BANK1: variants seen among roughly 807,000 people sequenced by gnomAD.
BANK1 encodes B cell scaffold protein with ankyrin repeats 1.
In BANK1, 95 loss-of-function variants were observed where a neutral mutation model predicts 94.5. The ratio of observed to expected loss-of-function variants is 1.00; its 90% CI spans 0.85 to 1.19. The LOEUF is 1.19. Among genes scored for constraint, BANK1 ranks in the 50% most tolerant of loss-of-function variants. BANK1 has a pLI of 0.00. For synonymous variants in BANK1, 334 were observed against 308.4 expected (o/e 1.08, Z -0.87); for missense variants, 987 against 932.2 (o/e 1.06, Z -0.77).
chr4:101,914,020 C>A (rs1389608835), intron 6 of BANK1, among the ~76,000 whole-genome samples: 1 of 152,136 alleles, frequency 6.6e-6, no homozygotes, highest in Non-Finnish European at 1.5e-5. Context: ...GAATTTCTAT[C>A]AAAAATTTTC....
chr4:101,944,398 G>T lies in BANK1; in HGVS notation c.1206+26209G>T, dbSNP rs936783008. Among the ~76,000 whole-genome samples the T allele has an allele frequency of 3.3e-5, 5 of 151,798 alleles. No individual in the cohort carries two copies. In the East Asian group the frequency reaches 9.8e-4, roughly 30 times the overall value. On this transcript the variant is annotated intron_variant, in intron 7 of 16. Coordinates refer to ENST00000322953, the MANE Select transcript of BANK1 (RefSeq NM_017935.5). ...CCCTTTTCTTAGGTATGGGCCTTAG[G>T]ATGTTCACCCCTGTTTCCTAAAATT...
chr4:101,989,427 G>A (rs2851319), intron 7 of BANK1, among the ~76,000 whole-genome samples: 44,580 of 113,034 alleles, frequency 0.39, 8,473 homozygotes, highest in Middle Eastern at 0.47. Flanking sequence ...GCAAGACTCC[G>A]TCTCAAAAAA....
chr4:101,925,612 GTTATCTT>G (rs760868697), intron 7 of BANK1, among the ~76,000 whole-genome samples: 34 of 151,814 alleles, frequency 2.2e-4, no homozygotes, highest in African/African-American at 2.7e-4. Context: ...TAGGTAATTT[GTTATCTT>G]TTATACATTT....
At chr4:101,959,709 C>T (rs1331487504) in intron 7 of BANK1, among the ~76,000 whole-genome samples, 3 of 152,194 alleles carry the variant, frequency 2.0e-5, no homozygotes, top group Non-Finnish European at 4.4e-5. Flanking sequence ...AGTCAGTCTA[C>T]AGAATAGAAG....
At chr4:101,833,955 A>G (rs1726723609) in intron 2 of BANK1, among the ~76,000 whole-genome samples, 1 of 152,280 alleles carries the variant, frequency 6.6e-6, no homozygotes, top group African/African-American at 2.4e-5. Flanking sequence ...TTATTTTTTT[A>G]AATCACAGTA....
chr4:102,006,003 A>G (rs1370370560), intron 7 of BANK1, among the ~76,000 whole-genome samples: 1 of 152,016 alleles, frequency 6.6e-6, no homozygotes, highest in East Asian at 1.9e-4. Context: ...CTGGAATGCC[A>G]TCAGGTATTG....
chr4:101,880,981 A>T (rs1418518785), intron 5 of BANK1, among the ~76,000 whole-genome samples: 1 of 152,142 alleles, frequency 6.6e-6, no homozygotes. Flanking sequence ...GAAAGAAAAC[A>T]TTGGAACAAC....
At chr4:101,878,416 A>G (rs2148884387) in intron 5 of BANK1, among the ~76,000 whole-genome samples, 1 of 152,350 alleles carries the variant, frequency 6.6e-6, no homozygotes, top group Admixed American at 6.5e-5. Context: ...TGACAATTTT[A>G]AATATATATT....
chr4:101,898,790 C>CT (rs1391536949), intron 6 of BANK1, among the ~76,000 whole-genome samples: 2 of 151,934 alleles, frequency 1.3e-5, no homozygotes, highest in African/African-American at 4.8e-5. Context: ...GTCAATAGGT[C>CT]TTGGTCATTT....
chr4:102,059,240 G>T (rs17031987), intron 11 of BANK1, among the ~76,000 whole-genome samples: 7,048 of 152,220 alleles, frequency 0.046, 464 homozygotes, highest in African/African-American at 0.14. Context: ...ATAGCTCACT[G>T]GTATACAGTT....
chr4:102,039,525 A>C (rs1727638302), intron 10 of BANK1, among the ~76,000 whole-genome samples: 1 of 152,140 alleles, frequency 6.6e-6, no homozygotes, highest in South Asian at 2.1e-4. Context: ...AGATTTAAAC[A>C]GTATAAATTG....
chr4:101,930,919 A>T (rs1723316645), intron 7 of BANK1, among the ~76,000 whole-genome samples: 1 of 151,598 alleles, frequency 6.6e-6, no homozygotes, highest in Non-Finnish European at 1.5e-5. Flanking sequence ...ATTGCTAAAC[A>T]TCACAAAGGA....
chr4:101,850,629 T>C (rs1257880976), intron 2 of BANK1, among the ~76,000 whole-genome samples: 1 of 152,160 alleles, frequency 6.6e-6, no homozygotes, highest in South Asian at 2.1e-4. Context: ...TTTTTACAAA[T>C]TGAAGGTTTG....
intron 11 of BANK1, among the ~76,000 whole-genome samples, chr4:102,048,068 A>G (rs1229651135): frequency 6.6e-6 from 1 of 152,194 alleles, no homozygotes; most frequent in Non-Finnish European, 1.5e-5. Flanking sequence ...CTCAGATACT[A>G]ACATTTTAAT....
At chr4:101,847,237 A>G (rs902618576) in intron 2 of BANK1, among the ~76,000 whole-genome samples, 11 of 140,696 alleles carry the variant, frequency 7.8e-5, no homozygotes, top group South Asian at 4.6e-4. Context: ...GTGTGTGTGT[A>G]TGTATATAGT....
intron 1 of BANK1, among the ~76,000 whole-genome samples, chr4:101,817,193 G>A (rs1159308481): frequency 6.6e-6 from 1 of 152,058 alleles, no homozygotes; most frequent in African/African-American, 2.4e-5. Context: ...ACCCAAAGGA[G>A]TGTAAATTGT....
intron 7 of BANK1, among the ~76,000 whole-genome samples, chr4:101,983,944 C>A (rs1211898060): frequency 6.6e-6 from 1 of 151,742 alleles, no homozygotes; most frequent in Non-Finnish European, 1.5e-5. Flanking sequence ...GCCTGAAGTG[C>A]ACAAGAAAAA....
In BANK1 at chr4:102,027,364, T is replaced by C. The variant is rs1414725504; in HGVS notation, c.1594+1855T>C. 2.0e-5 allele frequency among the ~76,000 whole-genome samples: 3 copies of C among 152,292 alleles called. No individual in the cohort carries two copies. In the East Asian group the frequency reaches 5.8e-4, roughly 29 times the overall value. Reference sequence around the variant, plus strand: ...ATCAGAAATGTAATCTTGGATAACATGTCTCCTGAAAACTAGCAAATATAA... The same window carrying C: ...ATCAGAAATGTAATCTTGGATAACACGTCTCCTGAAAACTAGCAAATATAA... On this transcript the variant is annotated intron_variant, in intron 9 of 16. Coordinates refer to ENST00000322953, the MANE Select transcript of BANK1 (RefSeq NM_017935.5).
At chr4:101,982,816 C>G (rs1725365123) in intron 7 of BANK1, among the ~76,000 whole-genome samples, 1 of 151,620 alleles carries the variant, frequency 6.6e-6, no homozygotes, top group South Asian at 2.1e-4. Flanking sequence ...AAATGCCGCC[C>G]AACCAATGCA....
Sources: gnomAD v4.1 joint callset for allele counts (sites outside exome capture counted in the v4.1 genomes callset) on GRCh38, gnomAD v4.1.1 for gene constraint, MANE v1.5 for transcripts, NCBI Gene and HGNC (gene_info 2026-07-23, HGNC 2026-07-21) for gene names.